Variants in ETNK2 observed in about 807,000 individuals in gnomAD.
The protein encoded by ETNK2 is ethanolamine kinase 2, also known as ethanolamine kinase-like protein.
In ETNK2, 33 loss-of-function variants were observed where a neutral mutation model predicts 46.2. The ratio of observed to expected loss-of-function variants is 0.71; its 90% CI spans 0.54 to 0.96. The LOEUF (loss-of-function observed/expected upper bound fraction) is 0.96. Ranked by LOEUF, ETNK2 falls within the 40% of genes least tolerant of loss-of-function variation. The pLI is 0.00. For synonymous variants in ETNK2, 194 were observed against 209.0 expected, an observed-to-expected ratio of 0.93 and a Z score of 0.62; for missense variants, 445 against 509.7, an observed-to-expected ratio of 0.87 and a Z score of 1.22.
Position 204,151,967 on chromosome 1 carries a change from G to T in ETNK2, c.-115C>A. ...CAGGGGAAGTCCATGACTCAGGCGC[G>T]AGCTGCCCGCTTCGATCGCCGGCTC... On this transcript the variant is annotated 5_prime_UTR_variant, in exon 1 of 8. Transcript: ENST00000367202. The surrounding 1 kb of genome is among the most constrained non-coding windows in gnomAD (Gnocchi z 8.0). 1 of 1,098,884 alleles carries T rather than the reference G, an allele frequency of 9.1e-7. No homozygotes were observed. The highest frequency in any genetic ancestry group is 1.2e-6 in the Non-Finnish European group (1 of 856,796). 68.1% of individuals were successfully genotyped at this position (1,098,884 alleles called of 1,614,324 possible). A position where few individuals can be genotyped will look rare whatever the true frequency, so the allele number is the denominator to read the frequency against.
rs1036161441 is a variant in ETNK2, at chr1:204,151,900, CG to C, written c.-49del. 1.2e-5 allele frequency: 17 copies of C among 1,402,566 alleles called. No homozygotes were observed. Among genetic ancestry groups the C allele is most frequent in the South Asian group, 1.6e-5 (1 of 64,338 alleles). 86.9% of individuals were successfully genotyped at this position (1,402,566 alleles called of 1,614,324 possible). A position where few individuals can be genotyped will look rare whatever the true frequency, so the allele number is the denominator to read the frequency against. On this transcript the variant is annotated 5_prime_UTR_variant, in exon 1 of 8. The change abolishes the stop of an existing upstream ORF in the 5' untranslated region. Transcript: ENST00000367202. This position sits in a 1 kb window ranked among gnomAD's most constrained non-coding sequence, Gnocchi z 8.0. Reference sequence around the variant, plus strand: ...GAGCCGCGGCAGACGCTAGCCCCGGCGGGGGGGTCCGGCGAGGGAGTGGGAG... The same window carrying C: ...GAGCCGCGGCAGACGCTAGCCCCGGCGGGGGGTCCGGCGAGGGAGTGGGAG...
At chr1:204,133,655 C>T (rs1309152486) in intron 7 of ETNK2, among the ~76,000 whole-genome samples, 1 of 151,656 alleles carries the variant, frequency 6.6e-6, no homozygotes, top group African/African-American at 2.4e-5. Context: ...CCTCAGCCTC[C>T]TGAGTAGCTG....
intron 3 of ETNK2, 144 bp downstream of exon 3, chr1:204,146,498 G>T: frequency 1.1e-6 from 1 of 936,162 alleles, no homozygotes; most frequent in Non-Finnish European, 1.6e-6. Context: ...TACCGACTAG[G>T]ACTGAAGGGA....
chr1:204,149,562 T>C, intron 2 of ETNK2, 141 bp downstream of exon 2: 1 of 1,057,270 alleles, frequency 9.5e-7, no homozygotes, highest in Non-Finnish European at 1.3e-6. Flanking sequence ...TGCAGAGCAA[T>C]GCATATAAAC....
chr1:204,134,408 AG>A (rs1370352884), intron 7 of ETNK2, 106 bp downstream of exon 7: 7 of 1,265,064 alleles, frequency 5.5e-6, no homozygotes, highest in Non-Finnish European at 6.6e-6. Flanking sequence ...TCAGCAGAGC[AG>A]GGGAGCGGAC....
chr1:204,145,448 G>T (rs1239673270), intron 3 of ETNK2, among the ~76,000 whole-genome samples: 2 of 152,234 alleles, frequency 1.3e-5, no homozygotes, highest in Non-Finnish European at 2.9e-5. Flanking sequence ...AATAACAGCT[G>T]TGGGCTGAAA....
rs202161763 is a variant in ETNK2, at chr1:204,149,985, C to A, written c.259-23G>T. On this transcript the variant is annotated intron_variant, in intron 1 of 7. Transcript: ENST00000367202. ...GCGCTAGCATGGGGAGAGGACAGTGCGTGGGTGGGTGGGTGGGGCAGGATC... is the reference window on the plus strand; with the variant it reads ...GCGCTAGCATGGGGAGAGGACAGTGAGTGGGTGGGTGGGTGGGGCAGGATC... 253 of 163,012 alleles carry A rather than the reference C, an allele frequency of 1.6e-3. 1 individual carries two copies. The highest frequency in any genetic ancestry group is 9.3e-3 in the Middle Eastern group (5 of 538). The allele number at this position is 163,012 out of a possible 1,614,324, so 10.1% of individuals were successfully genotyped here.
chr1:204,144,306 A>T (rs1657683735), intron 3 of ETNK2, among the ~76,000 whole-genome samples: 1 of 131,764 alleles, frequency 7.6e-6, no homozygotes, highest in African/African-American at 2.9e-5. Flanking sequence ...AGATCATGCC[A>T]CTGGACTCCA....
chr1:204,151,403 G>C lies in ETNK2; in HGVS notation c.258+192C>G. 1.2e-6 allele frequency: 1 copy of C among 818,868 alleles called. No individual in the cohort carries two copies. The highest frequency in any genetic ancestry group is 1.8e-5 in the South Asian group (1 of 55,162). The allele number at this position is 818,868 out of a possible 1,614,324, so 50.7% of individuals were successfully genotyped here. On this transcript the variant is annotated intron_variant, in intron 1 of 7. Coordinates refer to ENST00000367202, the MANE Select transcript of ETNK2 (RefSeq NM_018208.4). This position sits in a 1 kb window ranked among gnomAD's most constrained non-coding sequence, Gnocchi z 8.0. ...CCGGGAGGAGGGGGGCGTGTGCAGGGCCAAGGGAGGTGTGAGCCTAGTTTT... is the reference window on the plus strand; with the variant it reads ...CCGGGAGGAGGGGGGCGTGTGCAGGCCCAAGGGAGGTGTGAGCCTAGTTTT...
chr1:204,149,722 G>A lies in ETNK2; in HGVS notation c.499C>T (p.Arg167Cys), dbSNP rs141281450. The change falls in exon 2 of 8, where the codon CGT becomes TGT. Residue 167 changes from arginine (R) to cysteine (C), a missense_variant. Arg to Cys is a radical substitution (Grantham distance 180, BLOSUM62 -3). Coordinates refer to ENST00000367202, the MANE Select transcript of ETNK2 (RefSeq NM_018208.4). ...QGVALEPEHIREPRLFRLIAL... is the reference protein window; with the variant it reads ...QGVALEPEHICEPRLFRLIAL... ...CCTCACCTGAAAAGCCGGGGCTCAC[G>A]GATGTGCTCAGGCTCCAGGGCCACA... is the stretch of plus-strand genomic sequence containing the variant. The A allele has an allele frequency of 6.0e-4, 953 of 1,594,152 alleles. 2 individuals are homozygous for A. Among genetic ancestry groups the A allele is most frequent in the Non-Finnish European group, 7.7e-4 (906 of 1,170,860 alleles).
intron 3 of ETNK2, 74 bp downstream of exon 3, chr1:204,146,568 G>C (rs1558237298): frequency 6.3e-7 from 1 of 1,578,098 alleles, no homozygotes; most frequent in South Asian, 1.1e-5. Flanking sequence ...CTCCTAGCAG[G>C]GTGGGCTGGA....
chr1:204,136,481 G>A (rs970942497), intron 6 of ETNK2, among the ~76,000 whole-genome samples: 3 of 150,758 alleles, frequency 2.0e-5, no homozygotes, highest in Middle Eastern at 3.4e-3. Context: ...AGGCAGAGGC[G>A]GGCGAATCAC....
chr1:204,142,675 G>A (rs1284097966), intron 3 of ETNK2: 1 of 152,250 alleles, frequency 6.6e-6, no homozygotes, highest in African/African-American at 2.4e-5. Flanking sequence ...AGAGAAGGAT[G>A]AGGATGAGAC....
intron 4 of ETNK2, chr1:204,141,109 A>G (rs143847052): frequency 1.4e-4 from 96 of 696,900 alleles, no homozygotes; most frequent in Non-Finnish European, 2.3e-4. Flanking sequence ...TATAGGCATG[A>G]GCCACTGAGA....
At chr1:204,133,820 C>T (rs553708924) in intron 7 of ETNK2, among the ~76,000 whole-genome samples, 20 of 152,300 alleles carry the variant, frequency 1.3e-4, no homozygotes, top group Admixed American at 5.2e-4. Flanking sequence ...CGTGAGCCAC[C>T]GCGCCCGGCC....
intron 4 of ETNK2, 80 bp from the exon 5 acceptor site, chr1:204,140,198 G>T: frequency 8.5e-7 from 1 of 1,170,208 alleles, no homozygotes; most frequent in South Asian, 1.2e-5. Context: ...ACAGACCTCT[G>T]GGATGCACCC....
chr1:204,139,249 T>C (rs1307949009), intron 5 of ETNK2, among the ~76,000 whole-genome samples: 10 of 152,220 alleles, frequency 6.6e-5, no homozygotes, highest in African/African-American at 2.4e-4. Context: ...CTGCTCCTTA[T>C]CTACATGTAA....
rs1383854855 is a variant in ETNK2 at position 204,141,436 on chromosome 1, C to T, written c.663G>A (p.Lys221=). The T allele has an allele frequency of 2.5e-6, 4 of 1,602,018 alleles. No homozygotes were observed. The highest frequency in any genetic ancestry group is 3.4e-6 in the Non-Finnish European group (4 of 1,174,070). Residue 221 remains lysine, a synonymous_variant, in exon 4 of 8, where the codon AAG becomes AAA. Transcript: ENST00000367202. ...INPSLSADVP[K]VEVLERELAW... is the part of the protein sequence containing the mutation. ...CCAGCTCCCGTTCCAACACCTCTAC[C>T]TTAGGGACATCTGCAGAAAGGCTGG...
chr1:204,135,055 G>A (rs1657230179), intron 6 of ETNK2, among the ~76,000 whole-genome samples: 1 of 152,098 alleles, frequency 6.6e-6, no homozygotes, highest in Non-Finnish European at 1.5e-5. Context: ...AAGGAAGAGT[G>A]ATGGGCAGCA....
Sources: gnomAD v4.1 joint callset for allele counts (sites outside exome capture counted in the v4.1 genomes callset) on GRCh38, gnomAD v4.1.1 for gene constraint, Gnocchi (gnomAD v3.1) non-coding constraint, MANE v1.5 for transcripts, NCBI Gene and HGNC (gene_info 2026-07-23, HGNC 2026-07-21) for gene names.